FBXO8: variants seen among roughly 807,000 people sequenced by gnomAD.
FBXO8 encodes the protein F-box protein 8, also known as F-box only protein 8.
FBXO8 carries 15 observed loss-of-function variants against 33.4 expected under a neutral mutation model. That is an observed-to-expected ratio of 0.45 (90% CI 0.30 to 0.69). FBXO8 has a LOEUF of 0.69. FBXO8 is among the 30% of genes least tolerant of loss of function. The probability of loss-of-function intolerance (pLI) is 0.08; values close to 1 mark genes in which losing one functional copy is unlikely to be tolerated. For synonymous variants in FBXO8, 132 were observed against 131.5 expected (o/e 1.00, Z -0.02); for missense variants, 274 against 380.3 (o/e 0.72, Z 2.32).
At position 174,283,547 on chromosome 4, in the gene FBXO8, C is replaced by T. The variant is rs1737200571; in HGVS notation, c.-146G>A. On this transcript the variant is annotated 5_prime_UTR_variant, in exon 1 of 6. It adds an upstream start codon to the 5' untranslated region. Coordinates refer to ENST00000393674, the MANE Select transcript of FBXO8 (RefSeq NM_012180.3). The surrounding 1 kb of genome is among the most constrained non-coding windows in gnomAD (Gnocchi z 6.7). ...CTGATTCAAACTTTACTTGTCCACA[C>T]CGGTAGAGGTGACCGCGATGAGAAT... The T allele has an allele frequency of 4.7e-6, 1 of 210,886 alleles. No homozygotes were observed. Among genetic ancestry groups the T allele is most frequent in the South Asian group, 1.9e-4 (1 of 5,344 alleles). 13.1% of individuals were successfully genotyped at this position (210,886 alleles called of 1,614,324 possible). A position where few individuals can be genotyped will look rare whatever the true frequency, so the allele number is the denominator to read the frequency against.
Position 174,244,723 on chromosome 4 carries a change from G to A in FBXO8, c.457-3505C>T, listed in dbSNP as rs145078176. Among the ~76,000 whole-genome samples the A allele has an allele frequency of 2.1e-3, 312 of 151,714 alleles. 1 individual carries two copies. Among genetic ancestry groups the A allele is most frequent in the African/African-American group, 7.1e-3 (296 of 41,468 alleles). ...GAGATCAGCTCCTGTCAGGTGAAAG[G>A]AAACTACTGGCCAAAATATATTTTT... On this transcript the variant is annotated intron_variant, in intron 3 of 5. Transcript: ENST00000393674.
At chr4:174,279,218 A>G (rs1284959411) in intron 1 of FBXO8, among the ~76,000 whole-genome samples, 1 of 152,124 alleles carries the variant, frequency 6.6e-6, no homozygotes, top group Non-Finnish European at 1.5e-5. Context: ...GTATTTCTAT[A>G]CATTTACAAT....
intron 3 of FBXO8, among the ~76,000 whole-genome samples, chr4:174,244,806 T>C (rs1463953301): frequency 6.6e-6 from 1 of 151,774 alleles, no homozygotes; most frequent in African/African-American, 2.4e-5. Flanking sequence ...CTTATTAAAA[T>C]AGATATTAGG....
In FBXO8 at chr4:174,241,227, G is replaced by A; in HGVS notation, c.457-9C>T. The A allele has an allele frequency of 6.7e-7, 1 of 1,503,454 alleles. No individual in the cohort carries two copies. The highest frequency in any genetic ancestry group is 2.3e-5 in the East Asian group (1 of 43,694). The allele number at this position is 1,503,454 out of a possible 1,614,324, so 93.1% of individuals were successfully genotyped here. A position where few individuals can be genotyped will look rare whatever the true frequency, so the allele number is the denominator to read the frequency against. On this transcript the variant is annotated splice_polypyrimidine_tract_variant and intron_variant, in intron 3 of 5. Coordinates refer to ENST00000393674, the MANE Select transcript of FBXO8 (RefSeq NM_012180.3). The surrounding 1 kb of genome is among the most constrained non-coding windows in gnomAD (Gnocchi z 4.2). ...ATAAAGTAGTTCACTCCCTAAGGCA[G>A]AAAGACAAGTCTACATAAATAAAAT... is the stretch of plus-strand genomic sequence containing the variant.
chr4:174,262,966 G>A lies in FBXO8; in HGVS notation c.127C>T (p.His43Tyr), dbSNP rs1160193372. ...MAASNISNTN[H>Y]RKQVQGGIDI... ...ATGCCTCCTTGGACTTGTTTACGAT[G>A]ATTGGTGTTAGAAATGTTGCTCGCA... Residue 43 changes from histidine (H) to tyrosine (Y), a missense_variant, in exon 2 of 6, where the codon CAT becomes TAT. Around this residue, in one of 2 missense-constraint regions of FBXO8, gnomAD observed 88 missense variants for 86.9 expected, o/e 1.01. Transcript: ENST00000393674. The surrounding 1 kb of genome is among the most constrained non-coding windows in gnomAD (Gnocchi z 4.6). The A allele has an allele frequency of 6.2e-7, 1 of 1,614,038 alleles. No homozygotes were observed. The highest frequency in any genetic ancestry group is 1.7e-5 in the Admixed American group (1 of 60,018).
intron 4 of FBXO8, among the ~76,000 whole-genome samples, chr4:174,240,076 T>A (rs543239245): frequency 1.4e-5 from 2 of 145,604 alleles, no homozygotes; most frequent in African/African-American, 5.1e-5. Flanking sequence ...CACCACAGAA[T>A]GGCAGAGTTT....
At position 174,237,201 on chromosome 4, in the gene FBXO8, A is replaced by T. The variant is rs1263943029; in HGVS notation, c.*211T>A. 6.3e-6 allele frequency: 3 copies of T among 473,272 alleles called. No individual in the cohort carries two copies. The East Asian group carries it at 9.2e-5, about 14-fold the overall frequency. The allele number at this position is 473,272 out of a possible 1,614,324, so 29.3% of individuals were successfully genotyped here. On this transcript the variant is annotated 3_prime_UTR_variant, in exon 6 of 6. Coordinates refer to ENST00000393674, the MANE Select transcript of FBXO8 (RefSeq NM_012180.3). This position sits in a 1 kb window ranked among gnomAD's most constrained non-coding sequence, Gnocchi z 4.4. ...GTGGCTCTGCTTTGTGCAAAACGTG[A>T]TAAACAAAATTAGGAAAAATTCTGC...
At position 174,247,326 on chromosome 4, in the gene FBXO8, C is replaced by T. The variant is rs1190589486; in HGVS notation, c.457-6108G>A. Among the ~76,000 whole-genome samples the T allele has an allele frequency of 6.6e-6, 1 of 151,840 alleles. No homozygotes were observed. The highest frequency in any genetic ancestry group is 6.6e-5 in the Admixed American group (1 of 15,218). On this transcript the variant is annotated intron_variant, in intron 3 of 5. Transcript: ENST00000393674. The surrounding 1 kb of genome is among the most constrained non-coding windows in gnomAD (Gnocchi z 4.6). ...CTTTAATTTTTTTCCTAAAGAACAA[C>T]ATAGTAAAGAAATTTAGAAAAAAAT... is the stretch of plus-strand genomic sequence containing the variant.
At position 174,255,966 on chromosome 4, in the gene FBXO8, G is replaced by A. The variant is rs1736405249; in HGVS notation, c.456+3733C>T. The A allele has an allele frequency of 1.1e-5, 4 of 354,338 alleles. No homozygotes were observed. The highest frequency in any genetic ancestry group is 4.6e-5 in the South Asian group (2 of 43,400). 21.9% of individuals were successfully genotyped at this position (354,338 alleles called of 1,614,324 possible). A position where few individuals can be genotyped will look rare whatever the true frequency, so the allele number is the denominator to read the frequency against. Reference sequence around the variant, plus strand: ...ACAAGCTCATGCACAAGATCAAGACGTTACATACAGCTGAGATCACAATGT... The same window carrying A: ...ACAAGCTCATGCACAAGATCAAGACATTACATACAGCTGAGATCACAATGT... On this transcript the variant is annotated intron_variant, in intron 3 of 5. Coordinates refer to ENST00000393674, the MANE Select transcript of FBXO8 (RefSeq NM_012180.3). The surrounding 1 kb of genome is among the most constrained non-coding windows in gnomAD (Gnocchi z 4.3).
rs1359148133 is a variant in FBXO8, at chr4:174,277,959, G to A, written c.-9+5451C>T. Reference sequence around the variant, plus strand: ...TATTATTCAATAGCATAAGAACATGGGAGAGTCTATGAGAAAATATTTTCT... The same window carrying A: ...TATTATTCAATAGCATAAGAACATGAGAGAGTCTATGAGAAAATATTTTCT... On this transcript the variant is annotated intron_variant, in intron 1 of 5. Transcript: ENST00000393674. This position sits in a 1 kb window ranked among gnomAD's most constrained non-coding sequence, Gnocchi z 4.9. 3.9e-5 allele frequency among the ~76,000 whole-genome samples: 6 copies of A among 152,004 alleles called. No individual in the cohort carries two copies. Among genetic ancestry groups the A allele is most frequent in the Admixed American group, 3.9e-4 (6 of 15,270 alleles).
At position 174,257,046 on chromosome 4, in the gene FBXO8, T is replaced by C. The variant is rs1368034081; in HGVS notation, c.456+2653A>G. 2.0e-5 allele frequency among the ~76,000 whole-genome samples: 3 copies of C among 152,180 alleles called. No individual in the cohort carries two copies. The highest frequency in any genetic ancestry group is 7.2e-5 in the African/African-American group (3 of 41,456). On this transcript the variant is annotated intron_variant, in intron 3 of 5. Coordinates refer to ENST00000393674, the MANE Select transcript of FBXO8 (RefSeq NM_012180.3). This position sits in a 1 kb window ranked among gnomAD's most constrained non-coding sequence, Gnocchi z 4.3. ...CCTCCCTTAACAAACATTTGACTTA[T>C]AATTTTAAAAAATTATGTCAGATAT...
intron 1 of FBXO8, among the ~76,000 whole-genome samples, chr4:174,273,337 A>AAAG (rs1553975234): frequency 3.7e-4 from 46 of 124,760 alleles, no homozygotes; most frequent in East Asian, 6.1e-4. Context: ...AAAAAAAAAA[A>AAAG]GAAAAGAAAA....
chr4:174,269,449 G>A (rs1736780874), intron 1 of FBXO8, among the ~76,000 whole-genome samples: 1 of 152,090 alleles, frequency 6.6e-6, no homozygotes, highest in South Asian at 2.1e-4. Context: ...ACTTTGGGAG[G>A]CCGAGGCGGG....
rs188234344 is a variant in FBXO8, at chr4:174,242,746, T to A, written c.457-1528A>T. Among the ~76,000 whole-genome samples the A allele has an allele frequency of 2.6e-5, 4 of 151,644 alleles. No homozygotes were observed. The East Asian group carries it at 7.7e-4, about 29-fold the overall frequency. ...GAGGGGGCAGCAACTAGAAAACTGTTAATGCTTGTTCTATCCTTTCCTCCA... is the reference window on the plus strand; with the variant it reads ...GAGGGGGCAGCAACTAGAAAACTGTAAATGCTTGTTCTATCCTTTCCTCCA... On this transcript the variant is annotated intron_variant, in intron 3 of 5. Coordinates refer to ENST00000393674, the MANE Select transcript of FBXO8 (RefSeq NM_012180.3).
rs992125421 is a variant in FBXO8 at position 174,270,274 on chromosome 4, A to G, written c.-8-7174T>C. On this transcript the variant is annotated intron_variant, in intron 1 of 5. Coordinates refer to ENST00000393674, the MANE Select transcript of FBXO8 (RefSeq NM_012180.3). The surrounding 1 kb of genome is among the most constrained non-coding windows in gnomAD (Gnocchi z 4.6). ...CTTAACTTTCTGTTCCTAAAGTCCT[A>G]TGCTGCTGTGGCACAGTAGCTGGGA... Among the ~76,000 whole-genome samples, 1 of 152,210 alleles carries G rather than the reference A, an allele frequency of 6.6e-6. No homozygotes were observed. Among genetic ancestry groups the G allele is most frequent in the African/African-American group, 2.4e-5 (1 of 41,462 alleles).
chr4:174,279,184 A>T (rs1365787422), intron 1 of FBXO8, among the ~76,000 whole-genome samples: 1 of 152,120 alleles, frequency 6.6e-6, no homozygotes, highest in East Asian at 1.9e-4. Flanking sequence ...AGAAAGACAT[A>T]AAGTCAAGAC....
In FBXO8 at chr4:174,261,909, A is replaced by G. The variant is rs1301059327; in HGVS notation, c.329+855T>C. On this transcript the variant is annotated intron_variant, in intron 2 of 5. Coordinates refer to ENST00000393674, the MANE Select transcript of FBXO8 (RefSeq NM_012180.3). This position sits in a 1 kb window ranked among gnomAD's most constrained non-coding sequence, Gnocchi z 4.1. ...CTATATTTTTATAAAGACCTATTTC[A>G]AGATAATAAGACAAATAAACTTTGG... is the stretch of plus-strand genomic sequence containing the variant. 1.3e-5 allele frequency among the ~76,000 whole-genome samples: 2 copies of G among 152,088 alleles called. No individual in the cohort carries two copies. The highest frequency in any genetic ancestry group is 2.4e-5 in the African/African-American group (1 of 41,472).
chr4:174,240,943 G>T (rs929704646), intron 4 of FBXO8, among the ~76,000 whole-genome samples, 157 bp downstream of exon 4: 1 of 151,628 alleles, frequency 6.6e-6, no homozygotes, highest in African/African-American at 2.4e-5. Context: ...CAAAGCTCAC[G>T]AAAGAAATGA....
At position 174,263,284 on chromosome 4, in the gene FBXO8, C is replaced by A. The variant is rs534506036; in HGVS notation, c.-8-184G>T. On this transcript the variant is annotated intron_variant, in intron 1 of 5. Transcript: ENST00000393674. This position sits in a 1 kb window ranked among gnomAD's most constrained non-coding sequence, Gnocchi z 4.2. ...AATTATAAGTGCAAATTTTGATAGA[C>A]AAAGTTTCAGAATTACTTGGTTCGA... Among the ~76,000 whole-genome samples the A allele has an allele frequency of 3.7e-4, 56 of 152,232 alleles. No individual in the cohort carries two copies. The highest frequency in any genetic ancestry group is 6.2e-4 in the Non-Finnish European group (42 of 68,004).
Sources: allele counts gnomAD v4.1 joint callset (sites outside exome capture counted in the v4.1 genomes callset), GRCh38; gene constraint gnomAD v4.1.1; regional missense constraint gnomAD v4.1.1; non-coding constraint Gnocchi (gnomAD v3.1); transcripts MANE v1.5; gene names NCBI Gene and HGNC (gene_info 2026-07-23, HGNC 2026-07-21).